The following ATP8A2 variants were observed in gnomAD, a reference collection of about 807,000 sequenced individuals.
ATP8A2 encodes ATPase phospholipid transporting 8A2, also known as phospholipid-transporting ATPase IB.
ATP8A2 carries 100 observed loss-of-function variants against 165.6 expected under a neutral mutation model. That is an observed-to-expected ratio of 0.60 (90% CI 0.51 to 0.71). ATP8A2 has a LOEUF of 0.71. Among genes scored for constraint, ATP8A2 ranks in the 30% least tolerant of loss-of-function variants. The probability of loss-of-function intolerance (pLI) is 0.00; values close to 1 mark genes in which losing one functional copy is unlikely to be tolerated. For missense variants in ATP8A2, 1,227 were observed against 1,479.5 expected (o/e 0.83, Z 2.80); for synonymous variants, 543 against 548.8 (o/e 0.99, Z 0.15).
intron 25 of ATP8A2, among the ~76,000 whole-genome samples, chr13:25,746,614 T>C (rs567478295): frequency 6.6e-6 from 1 of 152,336 alleles, no homozygotes; most frequent in Admixed American, 6.5e-5. Context: ...TCCTGCTCAT[T>C]TGTGGGAAAG....
intron 24 of ATP8A2, among the ~76,000 whole-genome samples, chr13:25,607,053 C>T (rs2040535840): frequency 6.6e-6 from 1 of 152,128 alleles, no homozygotes; most frequent in South Asian, 2.1e-4. Context: ...TCAGCAGTGG[C>T]ATTAGATTCT....
At chr13:25,414,008 G>C (rs745543488) in intron 1 of ATP8A2, among the ~76,000 whole-genome samples, 1 of 151,876 alleles carries the variant, frequency 6.6e-6, no homozygotes, top group Non-Finnish European at 1.5e-5. Flanking sequence ...TCGGCCATGT[G>C]GGGTGATGAT....
At chr13:25,463,847 C>A (rs890509166) in intron 1 of ATP8A2, among the ~76,000 whole-genome samples, 1 of 152,190 alleles carries the variant, frequency 6.6e-6, no homozygotes, top group African/African-American at 2.4e-5. Flanking sequence ...CTTCCACCCC[C>A]TCATGCTTCT....
intron 33 of ATP8A2, among the ~76,000 whole-genome samples, chr13:25,954,368 T>C (rs1229460295): frequency 2.0e-5 from 3 of 152,186 alleles, no homozygotes; most frequent in Non-Finnish European, 2.9e-5. Context: ...CAGGGTCTTA[T>C]AGATAAAACT....
intron 33 of ATP8A2, among the ~76,000 whole-genome samples, chr13:25,928,171 C>T (rs916253923): frequency 3.9e-5 from 6 of 152,218 alleles, no homozygotes; most frequent in African/African-American, 1.4e-4. Flanking sequence ...CCTTGACACT[C>T]TGGGGCTTTC....
intron 27 of ATP8A2, among the ~76,000 whole-genome samples, chr13:25,824,599 T>C (rs1246599003): frequency 6.6e-6 from 1 of 152,182 alleles, no homozygotes; most frequent in Admixed American, 6.5e-5. Flanking sequence ...TCCTATCACT[T>C]TGCAATCATA....
At chr13:25,891,656 C>T (rs957420147) in intron 33 of ATP8A2, among the ~76,000 whole-genome samples, 1 of 152,042 alleles carries the variant, frequency 6.6e-6, no homozygotes, top group African/African-American at 2.4e-5. Context: ...GCCTTCATCC[C>T]TATTAACTGA....
chr13:25,842,500 C>T (rs1045843083), intron 30 of ATP8A2, among the ~76,000 whole-genome samples: 4 of 151,898 alleles, frequency 2.6e-5, no homozygotes, highest in South Asian at 2.1e-4. Flanking sequence ...GGTAAAACCC[C>T]GTCTCTACTA....
chr13:25,806,173 C>T (rs896342176), intron 27 of ATP8A2, among the ~76,000 whole-genome samples: 4 of 152,044 alleles, frequency 2.6e-5, no homozygotes, highest in Admixed American at 6.6e-5. Context: ...GTTGAGGAGG[C>T]GGGAGAACAG....
chr13:25,887,540 C>T (rs374495318), intron 33 of ATP8A2, among the ~76,000 whole-genome samples: 12 of 152,250 alleles, frequency 7.9e-5, no homozygotes, highest in African/African-American at 2.4e-4. Context: ...GTTTCACCAT[C>T]TTGGCCAGGC....
At chr13:25,914,225 T>C (rs1002329650) in intron 33 of ATP8A2, among the ~76,000 whole-genome samples, 3 of 152,196 alleles carry the variant, frequency 2.0e-5, no homozygotes, top group African/African-American at 7.2e-5. Context: ...CCTTCCTGGA[T>C]TTCCTGTGTT....
chr13:25,959,925 G>A (rs796338504), intron 33 of ATP8A2, among the ~76,000 whole-genome samples: 2 of 152,314 alleles, frequency 1.3e-5, no homozygotes, highest in African/African-American at 4.8e-5. Flanking sequence ...CATTTTTAAG[G>A]GTTGTAAACT....
intron 1 of ATP8A2, among the ~76,000 whole-genome samples, chr13:25,385,916 A>ATT (rs763105009): frequency 2.0e-3 from 272 of 133,466 alleles, no homozygotes; most frequent in African/African-American, 5.4e-3. Context: ...TTGGGCTTAA[A>ATT]TTTTTTTTTT....
At chr13:25,511,005 T>C (rs1457475238) in intron 2 of ATP8A2, among the ~76,000 whole-genome samples, 3 of 152,210 alleles carry the variant, frequency 2.0e-5, no homozygotes, top group Admixed American at 6.5e-5. Flanking sequence ...TTGAACTCTT[T>C]GTGTTTTTAA....
chr13:25,762,035 G>A (rs2044389754), intron 25 of ATP8A2, among the ~76,000 whole-genome samples: 1 of 151,960 alleles, frequency 6.6e-6, no homozygotes, highest in East Asian at 1.9e-4. Context: ...GTCGAGGCAG[G>A]CAGATCACCT....
intron 24 of ATP8A2, among the ~76,000 whole-genome samples, chr13:25,646,405 C>G (rs1302482368): frequency 6.6e-6 from 1 of 152,016 alleles, no homozygotes; most frequent in East Asian, 1.9e-4. Flanking sequence ...AATCCCAGCA[C>G]TTTGGAAGGC....
intron 27 of ATP8A2, among the ~76,000 whole-genome samples, chr13:25,797,561 C>G (rs897666959): frequency 6.6e-6 from 1 of 152,140 alleles, no homozygotes; most frequent in South Asian, 2.1e-4. Context: ...GAAACGATTT[C>G]ATCTGCAACT....
rs145333230 is a variant in ATP8A2 at position 25,390,448 on chromosome 13, G to A, written c.76+18160G>A. On this transcript the variant is annotated intron_variant, in intron 1 of 36. Coordinates refer to ENST00000381655, the MANE Select transcript of ATP8A2 (RefSeq NM_016529.6). ...CATAGCTGTGTACAGTCAAGATAGG[G>A]ATTTTCCATCACCCCTAAAGTTCTC... Among the ~76,000 whole-genome samples the A allele has an allele frequency of 2.0e-5, 3 of 152,242 alleles. No individual in the cohort carries two copies. The East Asian group carries it at 5.8e-4, about 29-fold the overall frequency.
chr13:25,422,250 A>G (rs1016808763), intron 1 of ATP8A2, among the ~76,000 whole-genome samples: 6 of 152,242 alleles, frequency 3.9e-5, no homozygotes, highest in African/African-American at 1.2e-4. Context: ...GAAAGCAAGT[A>G]TGATTGATCT....
Sources: allele counts gnomAD v4.1 joint callset (sites outside exome capture counted in the v4.1 genomes callset), GRCh38; gene constraint gnomAD v4.1.1; transcripts MANE v1.5; gene names NCBI Gene and HGNC (gene_info 2026-07-23, HGNC 2026-07-21).